Variants in FBXL18 observed in about 807,000 individuals in gnomAD.
FBXL18 encodes the protein F-box and leucine rich repeat protein 18.
FBXL18 carries 36 observed loss-of-function variants against 46.0 expected under a neutral mutation model. That is an observed-to-expected ratio of 0.78 (90% confidence interval 0.60 to 1.03). The LOEUF (loss-of-function observed/expected upper bound fraction) is 1.03, where lower values mean the gene tolerates loss of function less well. Among genes scored for constraint, FBXL18 ranks in the 50% least tolerant of loss-of-function variants. The pLI is 0.00. For missense variants in FBXL18, 977 were observed against 1,004.1 expected (o/e 0.97, Z 0.36); for synonymous variants, 557 against 465.3 (o/e 1.20, Z -2.54).
At position 5,513,681 on chromosome 7, in the gene FBXL18, G is replaced by A. The variant is rs1207889525; in HGVS notation, c.-7C>T. 6.2e-7 allele frequency: 1 copy of A among 1,605,090 alleles called. No homozygotes were observed. The highest frequency in any genetic ancestry group is 8.5e-7 in the Non-Finnish European group (1 of 1,176,138). ...CCTCTCCGGAGCTGGCCATGTCGCCGGCGGGTCCGAACCGCGGCCGCGGGA... is the reference window on the plus strand; with the variant it reads ...CCTCTCCGGAGCTGGCCATGTCGCCAGCGGGTCCGAACCGCGGCCGCGGGA... On this transcript the variant is annotated 5_prime_UTR_variant, in exon 1 of 5. Transcript: ENST00000382368.
chr7:5,493,554 C>T (rs1028178632), intron 3 of FBXL18, among the ~76,000 whole-genome samples: 6 of 152,254 alleles, frequency 3.9e-5, no homozygotes, highest in South Asian at 4.1e-4. Flanking sequence ...CTCAGCCTCC[C>T]AAAGTGCTGG....
chr7:5,481,582 T>A lies in FBXL18; in HGVS notation c.*193A>T. Reference sequence around the variant, plus strand: ...CTCATGTCACCCAGAACGCATCCCCTCGACCTAAACTTCACAGAGCAACAG... The same window carrying A: ...CTCATGTCACCCAGAACGCATCCCCACGACCTAAACTTCACAGAGCAACAG... On this transcript the variant is annotated 3_prime_UTR_variant, in exon 5 of 5. Coordinates refer to ENST00000382368, the MANE Select transcript of FBXL18 (RefSeq NM_024963.6). 2 of 558,974 alleles carry A rather than the reference T, an allele frequency of 3.6e-6. No individual in the cohort carries two copies. Among genetic ancestry groups the A allele is most frequent in the Non-Finnish European group, 3.1e-6 (1 of 323,906 alleles). The allele number at this position is 558,974 out of a possible 1,614,324, so 34.6% of individuals were successfully genotyped here.
rs1406277995 is a variant in FBXL18, at chr7:5,455,844, A to G, written c.2001-8001T>C. 6.6e-6 allele frequency among the ~76,000 whole-genome samples: 1 copy of G among 151,332 alleles called. No homozygotes were observed. The highest frequency in any genetic ancestry group is 6.6e-5 in the Admixed American group (1 of 15,162). On this transcript the variant is annotated intron_variant and NMD_transcript_variant, in intron 4 of 6. Coordinates refer to the FBXL18 transcript ENST00000415009. The surrounding 1 kb of genome is among the most constrained non-coding windows in gnomAD (Gnocchi z 4.6). ...CTTCAGCAAGATCACACTCTTCTCCATATGACCCCAGCCAATGAGCGGGCG... is the reference window on the plus strand; with the variant it reads ...CTTCAGCAAGATCACACTCTTCTCCGTATGACCCCAGCCAATGAGCGGGCG...
At chr7:5,471,913 G>C (rs542219785), downstream of FBXL18, among the ~76,000 whole-genome samples, 1 of 152,270 alleles carries the variant, frequency 6.6e-6, no homozygotes, top group African/African-American at 2.4e-5. Flanking sequence ...AGGAGTTTGA[G>C]ACCAGCCTGG....
chr7:5,480,019 G>A lies in FBXL18; in HGVS notation c.*1756C>T, dbSNP rs1009974502. Among the ~76,000 whole-genome samples the A allele has an allele frequency of 6.6e-6, 1 of 152,200 alleles. No homozygotes were observed. The highest frequency in any genetic ancestry group is 2.4e-5 in the African/African-American group (1 of 41,456). On this transcript the variant is annotated 3_prime_UTR_variant, in exon 5 of 5. Coordinates refer to ENST00000382368, the MANE Select transcript of FBXL18 (RefSeq NM_024963.6). Reference sequence around the variant, plus strand: ...CACAGGAGGGCTGTACCTCCCCACAGCTCTGACCCCAGTTCTCCAAAGGCC... The same window carrying A: ...CACAGGAGGGCTGTACCTCCCCACAACTCTGACCCCAGTTCTCCAAAGGCC...
At chr7:5,463,729 T>TATATATATATATATA (rs1562672305) in intron 4 of FBXL18, among the ~76,000 whole-genome samples, 24 of 10,014 alleles carry the variant, frequency 2.4e-3, no homozygotes, top group Non-Finnish European at 4.0e-3. Context: ...TATTTATTTA[T>TATATATATATATATA]TTTTTTTTTT....
chr7:5,467,414 T>C (rs151190490), intron 4 of FBXL18, among the ~76,000 whole-genome samples: 7,364 of 150,380 alleles, frequency 0.049, 235 homozygotes, highest in Middle Eastern at 0.12. Context: ...GGTGTGGTGG[T>C]GGGCACCTAT....
rs1455475260 is a variant in FBXL18 at position 5,483,447 on chromosome 7, A to G, written c.2001-1516T>C. Among the ~76,000 whole-genome samples, 49 of 137,288 alleles carry G rather than the reference A, an allele frequency of 3.6e-4. 1 individual carries two copies. The South Asian group carries it at 9.5e-3, about 27-fold the overall frequency. The allele number at this position is 137,288 out of a possible 152,430, so 90.1% of individuals were successfully genotyped here. On this transcript the variant is annotated intron_variant, in intron 4 of 4. Coordinates refer to ENST00000382368, the MANE Select transcript of FBXL18 (RefSeq NM_024963.6). ...CAGAGCGAGACTCCATCTCAAAAAA[A>G]GAAAAAAAAAATCGAGGCTGAGCGC...
rs762085266 is a variant in FBXL18 at position 5,479,741 on chromosome 7, TC to T, written c.*2033del. On this transcript the variant is annotated 3_prime_UTR_variant, in exon 5 of 5. Transcript: ENST00000382368. ...AGGCGAAGGCTTGGTCTGGTGTGGG[TC>T]CCACCATCGGGCACTGCTGGAATCA... 1 of 152,414 alleles carries T rather than the reference TC, an allele frequency of 6.6e-6. No homozygotes were observed. The highest frequency in any genetic ancestry group is 1.5e-5 in the Non-Finnish European group (1 of 68,352). The allele number at this position is 152,414 out of a possible 1,614,324, so 9.4% of individuals were successfully genotyped here. A position where few individuals can be genotyped will look rare whatever the true frequency, so the allele number is the denominator to read the frequency against.
In FBXL18 at chr7:5,513,793, G is replaced by C; in HGVS notation, c.-119C>G. ...CTCAACCGAGACCCCGGCAAGGAGC[G>C]GGCTCTCGTCACTTCCGGCGCCCGC... On this transcript the variant is annotated 5_prime_UTR_variant, in exon 1 of 5. Transcript: ENST00000382368. 7.1e-7 allele frequency: 1 copy of C among 1,411,614 alleles called. No individual in the cohort carries two copies. The highest frequency in any genetic ancestry group is 9.6e-7 in the Non-Finnish European group (1 of 1,047,088). 87.4% of individuals were successfully genotyped at this position (1,411,614 alleles called of 1,614,324 possible).
intron 4 of FBXL18, among the ~76,000 whole-genome samples, 178 bp downstream of exon 4, chr7:5,491,053 T>C (rs1188373257): frequency 6.6e-6 from 1 of 152,192 alleles, no homozygotes; most frequent in East Asian, 1.9e-4. Flanking sequence ...TAGGGAATGC[T>C]CAAGGAGCAG....
At chr7:5,466,410 T>A (rs187351879) in intron 4 of FBXL18, among the ~76,000 whole-genome samples, 519 of 152,252 alleles carry the variant, frequency 3.4e-3, no homozygotes, top group Middle Eastern at 0.01. Flanking sequence ...TTCTAGAATC[T>A]GCCTGCACTC....
chr7:5,491,917 G>A (rs1008307924), intron 3 of FBXL18, among the ~76,000 whole-genome samples: 1 of 152,034 alleles, frequency 6.6e-6, no homozygotes, highest in African/African-American at 2.4e-5. Context: ...CGGTAATCCG[G>A]GAGGCTGGTG....
At chr7:5,464,846 C>G (rs550927749) in intron 4 of FBXL18, among the ~76,000 whole-genome samples, 177 of 151,654 alleles carry the variant, frequency 1.2e-3, no homozygotes, top group Non-Finnish European at 2.3e-3. Context: ...GGCAAATCAC[C>G]AGAGGTTAGG....
intron 1 of FBXL18, among the ~76,000 whole-genome samples, chr7:5,509,718 A>G (rs924364198): frequency 1.3e-4 from 19 of 151,350 alleles, no homozygotes; most frequent in South Asian, 2.1e-4. Context: ...AAAAAAAAAA[A>G]AGAGAAGTTT....
rs1344142734 is a variant in FBXL18 at position 5,477,924 on chromosome 7, T to C, written c.*3851A>G. On this transcript the variant is annotated 3_prime_UTR_variant, in exon 5 of 5. Coordinates refer to ENST00000382368, the MANE Select transcript of FBXL18 (RefSeq NM_024963.6). The surrounding 1 kb of genome is among the most constrained non-coding windows in gnomAD (Gnocchi z 4.4). The stretch of plus-strand genomic sequence containing the variant: ...GGCCGGCAGGGGCCCAGCCCTCAGC[T>C]GTTGGAGCCCTACGGCTCTAGGTCT... 1 of 152,460 alleles carries C rather than the reference T, an allele frequency of 6.6e-6. No individual in the cohort carries two copies. Among genetic ancestry groups the C allele is most frequent in the Non-Finnish European group, 1.5e-5 (1 of 68,234 alleles). The allele number at this position is 152,460 out of a possible 1,614,324, so 9.4% of individuals were successfully genotyped here. A position where few individuals can be genotyped will look rare whatever the true frequency, so the allele number is the denominator to read the frequency against.
intron 3 of FBXL18, among the ~76,000 whole-genome samples, chr7:5,498,557 T>C (rs1303186345): frequency 6.6e-6 from 1 of 151,266 alleles, no homozygotes; most frequent in Non-Finnish European, 1.5e-5. Context: ...GCCCGGCCCA[T>C]TTGGGGTAAT....
chr7:5,497,282 C>T (rs141176751), intron 3 of FBXL18, among the ~76,000 whole-genome samples: 50 of 152,104 alleles, frequency 3.3e-4, no homozygotes, highest in Non-Finnish European at 8.8e-5. Flanking sequence ...AAAAGTCGCC[C>T]GTCTGGTTCT....
rs1181484106 is a variant in FBXL18, at chr7:5,480,339, C to T, written c.*1436G>A. ...TGGCCCAGGGACAGCTCTAGGAGCG[C>T]CTGGAGGTGGAGGACGGCAGAAGCG... On this transcript the variant is annotated 3_prime_UTR_variant, in exon 5 of 5. Transcript: ENST00000382368. 2 of 152,046 alleles carry T rather than the reference C, an allele frequency of 1.3e-5. No individual in the cohort carries two copies. The highest frequency in any genetic ancestry group is 2.9e-5 in the Non-Finnish European group (2 of 68,028). The allele number at this position is 152,046 out of a possible 1,614,324, so 9.4% of individuals were successfully genotyped here. A position where few individuals can be genotyped will look rare whatever the true frequency, so the allele number is the denominator to read the frequency against.
Sources: allele counts gnomAD v4.1 joint callset (sites outside exome capture counted in the v4.1 genomes callset), GRCh38; gene constraint gnomAD v4.1.1; non-coding constraint Gnocchi (gnomAD v3.1); transcripts MANE v1.5; gene names NCBI Gene and HGNC (gene_info 2026-07-23, HGNC 2026-07-21).